The following LARGE1 variants were observed in gnomAD, a reference collection of about 807,000 sequenced individuals.
The protein encoded by LARGE1 is LARGE xylosyl- and glucuronyltransferase 1, also known as xylosyl- and glucuronyltransferase LARGE1.
A neutral mutation model predicts 87.6 loss-of-function variants in LARGE1; 43 were observed. That is an observed-to-expected ratio of 0.49 (90% CI 0.38 to 0.63). The LOEUF is 0.63. LARGE1 is among the 30% of genes least tolerant of loss of function. LARGE1 has a pLI of 0.00. For synonymous variants in LARGE1, 434 were observed against 394.6 expected, an observed-to-expected ratio of 1.10 and a Z score of -1.18; for missense variants, 802 against 1,000.2, an observed-to-expected ratio of 0.80 and a Z score of 2.67.
At chr22:33,763,882 A>G in intron 1 of LARGE1, among the ~76,000 whole-genome samples, 1 of 113,030 alleles carries the variant, frequency 8.8e-6, no homozygotes, top group Admixed American at 1.2e-4. Context: ...ACAGAGACTC[A>G]CTCTGTCACC....
intron 4 of LARGE1, among the ~76,000 whole-genome samples, chr22:33,623,736 A>G (rs952796754): frequency 1.3e-5 from 2 of 151,990 alleles, no homozygotes; most frequent in African/African-American, 4.8e-5. Context: ...CCTAAAGTCT[A>G]AAGAGTTAAA....
chr22:33,506,866 A>G (rs1040619774), intron 6 of LARGE1, among the ~76,000 whole-genome samples: 3 of 152,078 alleles, frequency 2.0e-5, no homozygotes, highest in Non-Finnish European at 2.9e-5. Context: ...ACGCCATTGT[A>G]CTCCAGCCTG....
intron 2 of LARGE1, among the ~76,000 whole-genome samples, chr22:33,672,729 G>A (rs549779266): frequency 6.6e-6 from 1 of 152,306 alleles, no homozygotes; most frequent in Admixed American, 6.5e-5. Flanking sequence ...CTAGAAATAA[G>A]CTTAAGAACC....
intron 11 of LARGE1, among the ~76,000 whole-genome samples, chr22:33,191,422 T>C (rs1568966882): frequency 6.6e-6 from 1 of 152,234 alleles, no homozygotes; most frequent in Non-Finnish European, 1.5e-5. Context: ...GGAACTAACA[T>C]GTTTAATGAG....
chr22:33,857,562 CTAGA>C (rs1186099584), intron 1 of LARGE1, among the ~76,000 whole-genome samples: 1 of 152,184 alleles, frequency 6.6e-6, no homozygotes, highest in Non-Finnish European at 1.5e-5. Context: ...TAATGCTCTC[CTAGA>C]TAAACAAAAT....
chr22:33,156,648 G>C, the LARGE1 span, among the ~76,000 whole-genome samples: 20 of 152,164 alleles, frequency 1.3e-4, no homozygotes, highest in Non-Finnish European at 2.9e-4. Flanking sequence ...TCTTTGATGT[G>C]ACTTTGGGCT....
intron 7 of LARGE1, among the ~76,000 whole-genome samples, chr22:33,404,090 A>G (rs1177929099): frequency 6.6e-6 from 1 of 152,246 alleles, no homozygotes; most frequent in African/African-American, 2.4e-5. Context: ...GGTTAAACAT[A>G]TAGTCTATTG....
chr22:33,548,019 G>A (rs928668412), intron 6 of LARGE1, among the ~76,000 whole-genome samples: 2 of 151,924 alleles, frequency 1.3e-5, no homozygotes, highest in African/African-American at 4.8e-5. Context: ...CCCAATATAA[G>A]GCAGATGTTT....
intron 12 of LARGE1, among the ~76,000 whole-genome samples, chr22:33,288,594 T>A (rs766082554): frequency 5.9e-5 from 9 of 152,168 alleles, no homozygotes; most frequent in Non-Finnish European, 1.2e-4. Context: ...GCTTACTGAG[T>A]CTGTCTACTG....
At chr22:33,412,662 T>C (rs563306391) in intron 7 of LARGE1, among the ~76,000 whole-genome samples, 1 of 152,222 alleles carries the variant, frequency 6.6e-6, no homozygotes, top group Non-Finnish European at 1.5e-5. Context: ...TTTTATTTTA[T>C]GTATTTATTT....
the LARGE1 span, among the ~76,000 whole-genome samples, chr22:33,112,838 A>T: frequency 6.6e-6 from 1 of 152,200 alleles, no homozygotes; most frequent in African/African-American, 2.4e-5. Flanking sequence ...GTCTGGTACA[A>T]AAAGCCCACA....
chr22:33,885,793 G>A (rs944736419), intron 1 of LARGE1, among the ~76,000 whole-genome samples: 3 of 152,172 alleles, frequency 2.0e-5, no homozygotes, highest in Non-Finnish European at 4.4e-5. Context: ...CACTTTGGGA[G>A]GCCGAGGCAG....
chr22:33,676,351 C>T (rs1380022465), intron 2 of LARGE1, among the ~76,000 whole-genome samples: 1 of 97,050 alleles, frequency 1.0e-5, no homozygotes. Flanking sequence ...ACCTACACAT[C>T]ATATGTTACA....
intron 1 of LARGE1, among the ~76,000 whole-genome samples, chr22:33,808,561 T>TA (rs1326169497): frequency 2.6e-5 from 4 of 151,942 alleles, no homozygotes. Flanking sequence ...ATGGAATGTT[T>TA]ACAAAGCACA....
Position 33,283,355 on chromosome 22 carries a change from A to G in LARGE1, c.1731-7T>C. 2 of 1,614,174 alleles carry G rather than the reference A, an allele frequency of 1.2e-6. No individual in the cohort carries two copies. Among genetic ancestry groups the G allele is most frequent in the Non-Finnish European group, 1.7e-6 (2 of 1,180,022 alleles). On this transcript the variant is annotated splice_region_variant and splice_polypyrimidine_tract_variant and intron_variant, in intron 12 of 14. Coordinates refer to ENST00000397394, the MANE Select transcript of LARGE1 (RefSeq NM_133642.5). ...GAGCTGGATGACAGACTTCCTGAAA[A>G]GAGGGGACAGGCAGAGAGACAGAGT...
rs2267193 is a variant in LARGE1, at chr22:33,350,540, G to T, written c.1132-12739C>A. ...AGGTTGGCATGGGATCCTTAGCTGA[G>T]GAATTTGACCAAGGTGGGTGGAGGA... On this transcript the variant is annotated intron_variant, in intron 9 of 14. Transcript: ENST00000397394. Among the ~76,000 whole-genome samples, 1,003 of 152,162 alleles carry T rather than the reference G, an allele frequency of 6.6e-3. 6 individuals are homozygous for T. Among genetic ancestry groups the T allele is most frequent in the Non-Finnish European group, 9.8e-3 (664 of 67,996 alleles).
At chr22:33,759,010 G>A (rs1056746483) in intron 2 of LARGE1, among the ~76,000 whole-genome samples, 3 of 152,064 alleles carry the variant, frequency 2.0e-5, no homozygotes, top group South Asian at 2.1e-4. Context: ...ATTAGCAAAA[G>A]GAAAAAATCC....
At chr22:33,277,322 G>T in intron 13 of LARGE1, 67 bp from the exon 14 acceptor site, 1 of 1,461,062 alleles carries the variant, frequency 6.8e-7, no homozygotes, top group Non-Finnish European at 9.5e-7. Context: ...TGCAGCCGAT[G>T]TGGAGGAAGA....
chr22:33,409,860 C>CAAAAA (rs35645500), intron 7 of LARGE1, among the ~76,000 whole-genome samples: 2 of 63,092 alleles, frequency 3.2e-5, no homozygotes, highest in Non-Finnish European at 3.3e-5. Flanking sequence ...GACTCCATCT[C>CAAAAA]AAAAAAAAAA....
Sources: gnomAD v4.1 joint callset for allele counts (sites outside exome capture counted in the v4.1 genomes callset) on GRCh38, gnomAD v4.1.1 for gene constraint, MANE v1.5 for transcripts, NCBI Gene and HGNC (gene_info 2026-07-23, HGNC 2026-07-21) for gene names.